The following FAM135B variants were observed in gnomAD, a reference collection of about 807,000 sequenced individuals.
FAM135B encodes the protein family with sequence similarity 135 member B.
A neutral mutation model predicts 127.7 loss-of-function variants in FAM135B; 43 were observed. That is an observed-to-expected ratio of 0.34 (90% CI 0.26 to 0.43). The LOEUF (loss-of-function observed/expected upper bound fraction) is 0.43. Among genes scored for constraint, FAM135B ranks in the 20% least tolerant of loss-of-function variants. The pLI, the probability that FAM135B is intolerant of heterozygous loss-of-function variation, is 1.00. For synonymous variants in FAM135B, 670 were observed against 665.1 expected, an observed-to-expected ratio of 1.01 and a Z score of -0.11; for missense variants, 1,558 against 1,725.6, an observed-to-expected ratio of 0.90 and a Z score of 1.72.
intron 7 of FAM135B, among the ~76,000 whole-genome samples, chr8:138,199,584 T>C (rs1816944531): frequency 6.6e-6 from 1 of 152,190 alleles, no homozygotes; most frequent in Non-Finnish European, 1.5e-5. Context: ...ATGTATTAGT[T>C]CGTTTTCACA....
chr8:138,286,431 C>A (rs1824693178), intron 3 of FAM135B, among the ~76,000 whole-genome samples: 1 of 152,228 alleles, frequency 6.6e-6, no homozygotes, highest in Admixed American at 6.5e-5. Context: ...TTTACACCAT[C>A]TCCAATGGAG....
At chr8:138,182,051 G>A (rs1348011761) in intron 9 of FAM135B, among the ~76,000 whole-genome samples, 5 of 152,108 alleles carry the variant, frequency 3.3e-5, no homozygotes, top group African/African-American at 1.2e-4. Flanking sequence ...TGCCTCTCCC[G>A]GCCTCCTTGT....
At chr8:138,167,180 C>A (rs965923745) in intron 12 of FAM135B, among the ~76,000 whole-genome samples, 3 of 151,948 alleles carry the variant, frequency 2.0e-5, no homozygotes, top group African/African-American at 7.2e-5. Context: ...ATGGCCAATG[C>A]CTTTATTTGT....
chr8:138,293,332 T>C (rs1263825189), intron 3 of FAM135B, among the ~76,000 whole-genome samples: 2 of 152,122 alleles, frequency 1.3e-5, no homozygotes, highest in East Asian at 1.9e-4. Context: ...CTTCTGGACA[T>C]TGGCCTATGC....
At chr8:138,221,372 G>A (rs935819414) in intron 7 of FAM135B, among the ~76,000 whole-genome samples, 1 of 152,176 alleles carries the variant, frequency 6.6e-6, no homozygotes, top group African/African-American at 2.4e-5. Flanking sequence ...GCACCAAGGG[G>A]GATGGTGCCA....
intron 1 of FAM135B, chr8:138,436,723 G>C (rs1441254117): frequency 6.6e-6 from 1 of 152,216 alleles, no homozygotes; most frequent in Non-Finnish European, 1.5e-5. Context: ...TGTGAGCATA[G>C]CAGGAAGAGG....
In FAM135B at chr8:138,243,128, A is replaced by G. The variant is rs1024799651; in HGVS notation, c.543-60T>C. The G allele has an allele frequency of 2.6e-6, 4 of 1,558,252 alleles. No individual in the cohort carries two copies. The highest frequency in any genetic ancestry group is 3.5e-6 in the Non-Finnish European group (4 of 1,153,116). On this transcript the variant is annotated intron_variant, in intron 6 of 19. Coordinates refer to ENST00000395297, the MANE Select transcript of FAM135B (RefSeq NM_015912.4). This position sits in a 1 kb window ranked among gnomAD's most constrained non-coding sequence, Gnocchi z 7.5. The stretch of plus-strand genomic sequence containing the variant: ...GGTAAAGAAAGTGATGGTGCCATTA[A>G]CTCAGCCCCTTTGAGGAGTGTTCCT...
intron 9 of FAM135B, among the ~76,000 whole-genome samples, chr8:138,181,075 C>T (rs375023484): frequency 1.9e-5 from 2 of 105,876 alleles, no homozygotes; most frequent in African/African-American, 3.1e-5. Context: ...CCTGTCTCTA[C>T]TAAAAATAAA....
Position 138,378,366 on chromosome 8 carries a change from G to A in FAM135B, c.-19-10364C>T, listed in dbSNP as rs141672444. 1.2e-3 allele frequency among the ~76,000 whole-genome samples: 187 copies of A among 152,354 alleles called. 1 individual carries two copies. The highest frequency in any genetic ancestry group is 2.1e-3 in the Non-Finnish European group (140 of 68,032). On this transcript the variant is annotated intron_variant, in intron 1 of 19. Transcript: ENST00000395297. ...AGGCCAACCCCTCAGCAGCTGTGCAGTCTTGGAGCAAGAATTTAATCTCTC... is the reference window on the plus strand; with the variant it reads ...AGGCCAACCCCTCAGCAGCTGTGCAATCTTGGAGCAAGAATTTAATCTCTC...
At chr8:138,464,811 G>A (rs1017037932) in intron 1 of FAM135B, among the ~76,000 whole-genome samples, 15 of 152,262 alleles carry the variant, frequency 9.9e-5, no homozygotes, top group African/African-American at 3.6e-4. Flanking sequence ...AACTGCCCCA[G>A]CTGCACTGCC....
At chr8:138,223,517 A>T (rs1300191855) in intron 7 of FAM135B, among the ~76,000 whole-genome samples, 1 of 152,200 alleles carries the variant, frequency 6.6e-6, no homozygotes, top group Non-Finnish European at 1.5e-5. Context: ...AGCAACAAGA[A>T]TTCCTAAGAT....
chr8:138,162,916 TA>T (rs201479302), intron 12 of FAM135B, among the ~76,000 whole-genome samples: 5 of 151,990 alleles, frequency 3.3e-5, no homozygotes, highest in Middle Eastern at 3.4e-3. Context: ...TTCTTGGAAT[TA>T]AAAAAAAATT....
At chr8:138,296,958 C>T (rs981293350) in intron 3 of FAM135B, among the ~76,000 whole-genome samples, 8 of 152,172 alleles carry the variant, frequency 5.3e-5, no homozygotes, top group African/African-American at 1.7e-4. Flanking sequence ...AGGGTAAGCA[C>T]TGAAATCACA....
chr8:138,296,505 T>C (rs1330608593), intron 3 of FAM135B, among the ~76,000 whole-genome samples: 1 of 152,212 alleles, frequency 6.6e-6, no homozygotes, highest in Non-Finnish European at 1.5e-5. Flanking sequence ...CAGACAAACA[T>C]AATTTTATGA....
intron 3 of FAM135B, among the ~76,000 whole-genome samples, chr8:138,286,669 G>T (rs887715940): frequency 6.6e-6 from 1 of 152,228 alleles, no homozygotes; most frequent in African/African-American, 2.4e-5. Flanking sequence ...GGTGAGACAC[G>T]TGGGGAAAAG....
chr8:138,140,539 G>A (rs75240007), intron 17 of FAM135B, among the ~76,000 whole-genome samples: 2 of 152,126 alleles, frequency 1.3e-5, no homozygotes, highest in East Asian at 3.8e-4. Flanking sequence ...ACATATTCTG[G>A]AGTCAGTCGA....
chr8:138,167,342 T>A (rs2130894461), intron 12 of FAM135B, among the ~76,000 whole-genome samples: 1 of 152,126 alleles, frequency 6.6e-6, no homozygotes, highest in East Asian at 1.9e-4. Context: ...ATTACAGGTG[T>A]CCGCCACCAC....
intron 1 of FAM135B, among the ~76,000 whole-genome samples, chr8:138,373,282 A>G (rs1387853480): frequency 6.6e-6 from 1 of 151,952 alleles, no homozygotes; most frequent in East Asian, 1.9e-4. Context: ...TAGTTCCCCA[A>G]ATTAATACTT....
intron 3 of FAM135B, among the ~76,000 whole-genome samples, chr8:138,289,624 A>T (rs1824951880): frequency 1.3e-5 from 2 of 152,156 alleles, no homozygotes; most frequent in Non-Finnish European, 2.9e-5. Flanking sequence ...CTAACACACC[A>T]TTAAGACCTC....
Sources: allele counts gnomAD v4.1 joint callset (sites outside exome capture counted in the v4.1 genomes callset), GRCh38; gene constraint gnomAD v4.1.1; non-coding constraint Gnocchi (gnomAD v3.1); transcripts MANE v1.5; gene names NCBI Gene and HGNC (gene_info 2026-07-23, HGNC 2026-07-21).